SHANK2: variants seen among roughly 807,000 people sequenced by gnomAD.
SHANK2 encodes the protein SH3 and multiple ankyrin repeat domains protein 2.
Under a neutral mutation model 133.7 loss-of-function variants are expected in SHANK2, and 43 were observed. The observed-to-expected ratio is 0.32, with a 90% confidence interval of 0.25 to 0.41. The LOEUF is 0.41. Ranked by LOEUF, SHANK2 falls within the 10% of genes least tolerant of loss-of-function variation. The pLI, the probability that SHANK2 is intolerant of heterozygous loss-of-function variation, is 1.00. For synonymous variants in SHANK2, 1,017 were observed against 952.8 expected (o/e 1.07, Z -1.24); for missense variants, 1,994 against 2,235.8 (o/e 0.89, Z 2.18).
chr11:70,880,314 G>A (rs890043618), intron 11 of SHANK2, among the ~76,000 whole-genome samples: 4 of 152,218 alleles, frequency 2.6e-5, no homozygotes, highest in African/African-American at 9.6e-5. Context: ...GAAGGGCTGT[G>A]GTCAGCTGGG....
chr11:70,939,963 G>A (rs1950621820), intron 10 of SHANK2, among the ~76,000 whole-genome samples: 1 of 152,128 alleles, frequency 6.6e-6, no homozygotes, highest in South Asian at 2.1e-4. Flanking sequence ...TGTGACCACA[G>A]GGGTTGAGCT....
chr11:71,141,614 T>C (rs1952555955), intron 3 of SHANK2, among the ~76,000 whole-genome samples: 1 of 152,218 alleles, frequency 6.6e-6, no homozygotes, highest in African/African-American at 2.4e-5. Context: ...ATTAAACCTG[T>C]TTTTTATTAC....
Position 71,056,170 on chromosome 11 carries a change from T to A in SHANK2, c.1107+311A>T, listed in dbSNP as rs1206567008. On this transcript the variant is annotated intron_variant, in intron 10 of 25. Transcript: ENST00000601538. ...GGATGGAGGGGCGGCAGAGCCAGCA[T>A]CTCCCAACAGCTGCACAGTTGGAAG... 2.0e-5 allele frequency among the ~76,000 whole-genome samples: 3 copies of A among 152,112 alleles called. No individual in the cohort carries two copies. The East Asian group carries it at 5.8e-4, about 29-fold the overall frequency.
chr11:71,227,907 A>G (rs1555122477), intron 1 of SHANK2, among the ~76,000 whole-genome samples: 1 of 152,110 alleles, frequency 6.6e-6, no homozygotes, highest in Non-Finnish European at 1.5e-5. Context: ...AATAATAAAC[A>G]TATGAGTGGG....
intron 13 of SHANK2, among the ~76,000 whole-genome samples, chr11:70,800,411 C>T (rs1948019225): frequency 6.6e-6 from 1 of 152,192 alleles, no homozygotes; most frequent in Non-Finnish European, 1.5e-5. Flanking sequence ...AGGAGGAAAA[C>T]AATCTGATTT....
intron 10 of SHANK2, chr11:70,952,818 G>A (rs1446173855): frequency 1.7e-5 from 7 of 418,372 alleles, no homozygotes; most frequent in East Asian, 1.5e-4. Context: ...GCTGCTTTCT[G>A]TGGCTGTGGG....
intron 17 of SHANK2, chr11:70,603,490 C>T (rs570893612): frequency 6.6e-6 from 1 of 152,356 alleles, no homozygotes; most frequent in Non-Finnish European, 1.5e-5. Flanking sequence ...GCAGTAAACC[C>T]AGAGTCCAGC....
rs544453567 is a variant in SHANK2, at chr11:70,583,183, G to A, written c.2061+76645C>T. Among the ~76,000 whole-genome samples the A allele has an allele frequency of 2.2e-4, 34 of 152,298 alleles. 1 individual carries two copies. The South Asian group carries it at 6.2e-3, about 28-fold the overall frequency. The stretch of plus-strand genomic sequence containing the variant: ...GCGGGGATGCCTTCATCTATCTACG[G>A]GCTCAGGTATGGCTCCAAAGATGGG... On this transcript the variant is annotated intron_variant, in intron 17 of 25. Transcript: ENST00000601538.
In SHANK2 at chr11:70,535,412, T is replaced by TCATC. The variant is rs1230366339; in HGVS notation, c.2062-32485_2062-32482dup. 3.3e-5 allele frequency among the ~76,000 whole-genome samples: 5 copies of TCATC among 151,786 alleles called. No individual in the cohort carries two copies. Among genetic ancestry groups the TCATC allele is most frequent in the South Asian group, 2.1e-4 (1 of 4,792 alleles). ...TCTAACCAGTCCATCCATTTATCCA[T>TCATC]CATCCATCCATCCATCCATCTGCCA... On this transcript the variant is annotated intron_variant, in intron 17 of 25. Coordinates refer to ENST00000601538, the MANE Select transcript of SHANK2 (RefSeq NM_012309.5). This position sits in a 1 kb window ranked among gnomAD's most constrained non-coding sequence, Gnocchi z 4.3.
intron 1 of SHANK2, among the ~76,000 whole-genome samples, chr11:71,241,296 T>C (rs1555124381): frequency 6.6e-6 from 1 of 152,162 alleles, no homozygotes; most frequent in Admixed American, 6.5e-5. Flanking sequence ...ATAGAATGTA[T>C]AAACTGAGCT....
chr11:71,103,876 C>G lies in SHANK2; in HGVS notation c.592+6065G>C, dbSNP rs150243600. On this transcript the variant is annotated intron_variant, in intron 6 of 25. Transcript: ENST00000601538. ...CCCCTCCCCTTCTCCCTCTCCCCCC[C>G]TCTTTCTCTCTCTCTCTCCTGCTTT... Among the ~76,000 whole-genome samples, 3 of 134,798 alleles carry G rather than the reference C, an allele frequency of 2.2e-5. No individual in the cohort carries two copies. In the South Asian group the frequency reaches 8.7e-4, roughly 39 times the overall value. 88.4% of individuals were successfully genotyped at this position (134,798 alleles called of 152,430 possible).
At chr11:70,941,572 G>A (rs1950648748) in intron 10 of SHANK2, among the ~76,000 whole-genome samples, 1 of 152,156 alleles carries the variant, frequency 6.6e-6, no homozygotes, top group South Asian at 2.1e-4. Flanking sequence ...CCTTTTAGGG[G>A]TGTTTAGGTT....
At chr11:70,655,833 T>TC (rs1555011450) in intron 17 of SHANK2, among the ~76,000 whole-genome samples, 1 of 152,100 alleles carries the variant, frequency 6.6e-6, no homozygotes, top group East Asian at 1.9e-4. Context: ...GGCCAGTGGG[T>TC]CATCACCTTG....
intron 17 of SHANK2, among the ~76,000 whole-genome samples, chr11:70,650,981 C>T (rs941654461): frequency 7.2e-5 from 11 of 152,182 alleles, no homozygotes; most frequent in African/African-American, 2.4e-5. Flanking sequence ...ACTCATGATG[C>T]CAGAAACTGC....
intron 11 of SHANK2, among the ~76,000 whole-genome samples, chr11:70,885,647 A>G (rs1590797006): frequency 6.6e-6 from 1 of 152,176 alleles, no homozygotes; most frequent in South Asian, 2.1e-4. Context: ...ACAGAGATGC[A>G]TGCTGGGCAG....
chr11:70,890,754 G>A (rs746696192), intron 11 of SHANK2, among the ~76,000 whole-genome samples: 8 of 146,274 alleles, frequency 5.5e-5, no homozygotes, highest in African/African-American at 7.7e-5. Flanking sequence ...AGCCAAGATC[G>A]CACCACTGCA....
chr11:70,497,100 G>GAGTT, intron 21 of SHANK2: 1 of 451,524 alleles, frequency 2.2e-6, no homozygotes, highest in South Asian at 1.6e-5. Context: ...TTTTAAGTTA[G>GAGTT]AGTTAGTGTA....
chr11:70,597,924 C>T (rs771884399), intron 17 of SHANK2, among the ~76,000 whole-genome samples: 2 of 152,220 alleles, frequency 1.3e-5, no homozygotes, highest in African/African-American at 2.4e-5. Flanking sequence ...CAGACCCCTT[C>T]AGACCCCACC....
chr11:70,597,062 A>G (rs1482736163), intron 17 of SHANK2, among the ~76,000 whole-genome samples: 2 of 151,946 alleles, frequency 1.3e-5, no homozygotes, highest in Non-Finnish European at 2.9e-5. Context: ...CCTATGAACA[A>G]AGCTGAATAA....
Sources: allele counts gnomAD v4.1 joint callset (sites outside exome capture counted in the v4.1 genomes callset), GRCh38; gene constraint gnomAD v4.1.1; non-coding constraint Gnocchi (gnomAD v3.1); transcripts MANE v1.5; gene names NCBI Gene and HGNC (gene_info 2026-07-23, HGNC 2026-07-21).